ITFG1: variants seen among roughly 807,000 people sequenced by gnomAD.
ITFG1 encodes T-cell immunomodulatory protein.
In ITFG1, 34 loss-of-function variants were observed where a neutral mutation model predicts 81.8. That is an observed-to-expected ratio of 0.42 (90% CI 0.32 to 0.55). The LOEUF (loss-of-function observed/expected upper bound fraction) is 0.55, where lower values mean the gene tolerates loss of function less well. Among genes scored for constraint, ITFG1 ranks in the 20% least tolerant of loss-of-function variants. The pLI is 0.17. For missense variants in ITFG1, 672 were observed against 755.4 expected (o/e 0.89, Z 1.29); for synonymous variants, 285 against 270.6 (o/e 1.05, Z -0.52).
At chr16:47,400,663 T>G (rs1158453956) in intron 6 of ITFG1, among the ~76,000 whole-genome samples, 1 of 152,000 alleles carries the variant, frequency 6.6e-6, no homozygotes, top group Non-Finnish European at 1.5e-5. Flanking sequence ...GAGGTGTCAG[T>G]TGAGACCTGA....
intron 8 of ITFG1, among the ~76,000 whole-genome samples, chr16:47,345,010 TA>T (rs1299313531): frequency 6.6e-6 from 1 of 152,126 alleles, no homozygotes; most frequent in African/African-American, 2.4e-5. Flanking sequence ...ACACTGGAAA[TA>T]GAAATATGAA....
intron 10 of ITFG1, among the ~76,000 whole-genome samples, chr16:47,292,052 C>T (rs1025940677): frequency 2.0e-5 from 3 of 149,958 alleles, no homozygotes; most frequent in East Asian, 3.9e-4. Context: ...TTCGCTCTTT[C>T]GTCTAGGCTG....
At chr16:47,318,263 T>C (rs1363329097) in intron 8 of ITFG1, among the ~76,000 whole-genome samples, 2 of 152,232 alleles carry the variant, frequency 1.3e-5, no homozygotes, top group African/African-American at 4.8e-5. Flanking sequence ...CCACACATTT[T>C]CTGGCATCCT....
intron 14 of ITFG1, among the ~76,000 whole-genome samples, chr16:47,208,524 T>G (rs557539923): frequency 6.6e-6 from 1 of 152,208 alleles, no homozygotes; most frequent in Non-Finnish European, 1.5e-5. Flanking sequence ...CGAAAGGACC[T>G]GACATCAGGT....
At chr16:47,190,161 G>A (rs1596797045) in intron 14 of ITFG1, among the ~76,000 whole-genome samples, 1 of 151,896 alleles carries the variant, frequency 6.6e-6, no homozygotes, top group South Asian at 2.1e-4. Context: ...GTACCTCTCT[G>A]AGAGGGAAAA....
chr16:47,204,911 G>A (rs1296382939), intron 14 of ITFG1, among the ~76,000 whole-genome samples: 1 of 152,222 alleles, frequency 6.6e-6, no homozygotes, highest in Non-Finnish European at 1.5e-5. Context: ...TTAGGCTGTT[G>A]TATTCTCTAA....
At chr16:47,200,788 C>T (rs552064422) in intron 14 of ITFG1, among the ~76,000 whole-genome samples, 34 of 152,100 alleles carry the variant, frequency 2.2e-4, no homozygotes, top group Non-Finnish European at 4.1e-4. Context: ...TCAGCTGAAA[C>T]TTTGGTGGTG....
chr16:47,442,235 C>T (rs1051954227), intron 5 of ITFG1, among the ~76,000 whole-genome samples: 4 of 152,112 alleles, frequency 2.6e-5, no homozygotes, highest in African/African-American at 9.7e-5. Context: ...CAATCAATAT[C>T]GTGAAAATGG....
At chr16:47,250,073 A>G (rs1052399998) in intron 12 of ITFG1, among the ~76,000 whole-genome samples, 1 of 152,222 alleles carries the variant, frequency 6.6e-6, no homozygotes, top group African/African-American at 2.4e-5. Context: ...ATATGAACAC[A>G]AAAACATTAT....
chr16:47,439,549 G>T (rs984380351), intron 5 of ITFG1, among the ~76,000 whole-genome samples: 1 of 152,168 alleles, frequency 6.6e-6, no homozygotes, highest in African/African-American at 2.4e-5. Flanking sequence ...TTAAAGAAAA[G>T]AATTTTCAAC....
intron 10 of ITFG1, among the ~76,000 whole-genome samples, chr16:47,283,507 G>A (rs1003203135): frequency 2.0e-5 from 3 of 152,036 alleles, no homozygotes; most frequent in Non-Finnish European, 4.4e-5. Context: ...CCATTCTATT[G>A]GTTTTGTTTC....
intron 7 of ITFG1, among the ~76,000 whole-genome samples, chr16:47,366,593 T>A (rs1968180700): frequency 6.6e-6 from 1 of 152,156 alleles, no homozygotes; most frequent in Non-Finnish European, 1.5e-5. Context: ...TTATTGCCTT[T>A]CCCTTCTTAA....
intron 5 of ITFG1, among the ~76,000 whole-genome samples, chr16:47,445,903 G>A (rs1006703511): frequency 2.0e-5 from 3 of 152,122 alleles, no homozygotes; most frequent in Non-Finnish European, 4.4e-5. Context: ...GTACAAGAAC[G>A]AAGGCAAAAG....
Position 47,328,726 on chromosome 16 carries a change from T to C in ITFG1, c.803-14903A>G, listed in dbSNP as rs141352742. On this transcript the variant is annotated intron_variant, in intron 8 of 17. Coordinates refer to ENST00000320640, the MANE Select transcript of ITFG1 (RefSeq NM_030790.5). The stretch of plus-strand genomic sequence containing the variant: ...TCAATATGACAGAAAATAAATTCCG[T>C]TGGGGAATCATTTTAAGATTAGCAC... 3.3e-3 allele frequency among the ~76,000 whole-genome samples: 509 copies of C among 152,234 alleles called. 3 individuals are homozygous for C. The highest frequency in any genetic ancestry group is 0.011 in the African/African-American group (468 of 41,548).
chr16:47,238,095 A>G (rs1965896178), intron 12 of ITFG1, 87 bp from the exon 13 acceptor site: 1 of 702,066 alleles, frequency 1.4e-6, no homozygotes, highest in Non-Finnish European at 2.4e-6. Context: ...CCATTAATAT[A>G]CTCTATTGAT....
intron 14 of ITFG1, among the ~76,000 whole-genome samples, chr16:47,201,786 T>A (rs1030077833): frequency 6.6e-6 from 1 of 152,212 alleles, no homozygotes; most frequent in Non-Finnish European, 1.5e-5. Context: ...TATACAAATC[T>A]TAGCAGTAAT....
chr16:47,246,484 T>C (rs1966003374), intron 12 of ITFG1, among the ~76,000 whole-genome samples: 1 of 152,234 alleles, frequency 6.6e-6, no homozygotes, highest in African/African-American at 2.4e-5. Flanking sequence ...TTAATTATCA[T>C]GCTGGTTCAT....
intron 10 of ITFG1, among the ~76,000 whole-genome samples, chr16:47,274,891 T>C (rs1330786977): frequency 6.6e-6 from 1 of 152,152 alleles, no homozygotes; most frequent in African/African-American, 2.4e-5. Flanking sequence ...AAAAAGCCTT[T>C]CAGAAAGTCC....
intron 12 of ITFG1, chr16:47,238,249 T>C (rs2151534144): frequency 3.1e-6 from 1 of 320,826 alleles, no homozygotes; most frequent in Admixed American, 5.0e-5. Flanking sequence ...GTGAGATAAA[T>C]TATGATTATA....
Sources: gnomAD v4.1 joint callset for allele counts (sites outside exome capture counted in the v4.1 genomes callset) on GRCh38, gnomAD v4.1.1 for gene constraint, MANE v1.5 for transcripts, NCBI Gene and HGNC (gene_info 2026-07-23, HGNC 2026-07-21) for gene names.